MMP28: variants seen among roughly 807,000 people sequenced by gnomAD.
The protein encoded by MMP28 is matrix metallopeptidase 28, also known as matrix metalloproteinase-28.
MMP28 carries 55 observed loss-of-function variants against 60.5 expected under a neutral mutation model. The observed-to-expected ratio is 0.91, with a 90% CI of 0.73 to 1.14. The LOEUF is 1.14. Among genes scored for constraint, MMP28 ranks in the 50% most tolerant of loss-of-function variants. MMP28 has a pLI of 0.00. For missense variants in MMP28, 686 were observed against 738.3 expected (o/e 0.93, Z 0.82); for synonymous variants, 318 against 312.5 (o/e 1.02, Z -0.18).
At chr17:35,780,534 A>G (rs1261846010) in intron 1 of MMP28, among the ~76,000 whole-genome samples, 1 of 152,158 alleles carries the variant, frequency 6.6e-6, no homozygotes, top group Non-Finnish European at 1.5e-5. Context: ...TAGGTACAAT[A>G]AAAAATAAGA....
At chr17:35,770,452 A>G in intron 4 of MMP28, 140 bp from the exon 5 acceptor site, 17 of 1,152,866 alleles carry the variant, frequency 1.5e-5, no homozygotes, top group Non-Finnish European at 2.0e-5. Context: ...CAGAACCTGA[A>G]GTGTGCAGAG....
At chr17:35,763,771 C>T (rs2085872180), downstream of MMP28, among the ~76,000 whole-genome samples, 1 of 151,894 alleles carries the variant, frequency 6.6e-6, no homozygotes, top group African/African-American at 2.4e-5. Flanking sequence ...GCGGGGCGTG[C>T]CTGTAGTCCC....
chr17:35,770,147 A>AGC lies in MMP28; in HGVS notation c.768_769dup (p.Leu257ArgfsTer32), dbSNP rs764736716. 6.2e-7 allele frequency: 1 copy of AGC among 1,607,278 alleles called. No homozygotes were observed. Among genetic ancestry groups the AGC allele is most frequent in the East Asian group, 2.2e-5 (1 of 44,632 alleles). ...CAGCCTCTTGTAGTAGGGCGCCATGAGCGCGCGCGGCGCGGGCGAGTGGGT... is the reference window on the plus strand; with the variant it reads ...CAGCCTCTTGTAGTAGGGCGCCATGAGCGCGCGCGCGGCGCGGGCGAGTGGGT... On this transcript the variant is annotated frameshift_variant, in exon 5 of 8. Coordinates refer to ENST00000605424, the MANE Select transcript of MMP28 (RefSeq NM_024302.5). LOFTEE classifies it high-confidence loss of function.
At chr17:35,777,744 G>A (rs2086375315) in intron 3 of MMP28, among the ~76,000 whole-genome samples, 1 of 152,244 alleles carries the variant, frequency 6.6e-6, no homozygotes. Context: ...AAAACAATCA[G>A]GTTGTTAATA....
At chr17:35,770,346 G>A in intron 4 of MMP28, 34 bp from the exon 5 acceptor site, 1 of 1,461,846 alleles carries the variant, frequency 6.8e-7, no homozygotes, top group Non-Finnish European at 9.0e-7. Flanking sequence ...GGGGTGCCAC[G>A]GCCCACGACG....
At position 35,792,949 on chromosome 17, in the gene MMP28, T is replaced by A. The variant is rs184252580; in HGVS notation, c.111+2318A>T. ...TGAGGTTTATAGAGGTTAAATGAGT[T>A]ATCCATGGTTTACGTATGGGTTTGT... On this transcript the variant is annotated intron_variant, in intron 1 of 7. Transcript: ENST00000605424. Among the ~76,000 whole-genome samples, 489 of 152,302 alleles carry A rather than the reference T, an allele frequency of 3.2e-3. 1 individual carries two copies. Among genetic ancestry groups the A allele is most frequent in the Non-Finnish European group, 5.7e-3 (388 of 68,024 alleles).
chr17:35,772,734 T>A (rs956359673), intron 4 of MMP28, among the ~76,000 whole-genome samples: 1 of 152,170 alleles, frequency 6.6e-6, no homozygotes, highest in Non-Finnish European at 1.5e-5. Context: ...CACTTCCCTG[T>A]CAGGGCTGTC....
At chr17:35,764,744 G>A, downstream of MMP28, 1 of 1,066,288 alleles carries the variant, frequency 9.4e-7, no homozygotes, top group Non-Finnish European at 1.3e-6. Context: ...CTCAGCTGCT[G>A]CCCAGAGCGC....
At chr17:35,773,554 C>G (rs1555606753) in intron 3 of MMP28, 150 bp from the exon 4 acceptor site, 1 of 694,232 alleles carries the variant, frequency 1.4e-6, no homozygotes, top group Non-Finnish European at 2.4e-6. Flanking sequence ...GCAGCTCCCC[C>G]TTTGACTGGG....
At chr17:35,791,332 T>C (rs950893383) in intron 1 of MMP28, among the ~76,000 whole-genome samples, 2 of 151,058 alleles carry the variant, frequency 1.3e-5, no homozygotes, top group South Asian at 2.1e-4. Context: ...AGTCCAGGGG[T>C]TTGAGACCAG....
At position 35,771,751 on chromosome 17, in the gene MMP28, ATAT is replaced by A. The variant is rs2086161455; in HGVS notation, c.604+1426_604+1428del. The stretch of plus-strand genomic sequence containing the variant: ...TATATATATATATATATATATATAT[ATAT>A]AAAATTGTGTTCTTGCCCTCCTCTG... On this transcript the variant is annotated intron_variant, in intron 4 of 7. Transcript: ENST00000605424. Among the ~76,000 whole-genome samples the A allele has an allele frequency of 1.7e-4, 16 of 91,772 alleles. 1 individual carries two copies. Among genetic ancestry groups the A allele is most frequent in the Non-Finnish European group, 2.7e-4 (13 of 47,936 alleles). The allele number at this position is 91,772 out of a possible 152,430, so 60.2% of individuals were successfully genotyped here. A position where few individuals can be genotyped will look rare whatever the true frequency, so the allele number is the denominator to read the frequency against.
chr17:35,773,312 C>T lies in MMP28; in HGVS notation c.472G>A (p.Ala158Thr), dbSNP rs575740651. Residue 158 changes from alanine (A) to threonine (T), a missense_variant, in exon 4 of 8, where the codon GCC (alanine) becomes ACC (threonine). Transcript: ENST00000605424. The part of the protein sequence containing the change: ...EPAVRGAVRA[A>T]FQLWSNVSAL... ...GAGACGTTGCTCCACAACTGGAAGG[C>T]GGCGCGCACGGCGCCCCGAACTGCC... 9.9e-6 allele frequency: 16 copies of T among 1,613,330 alleles called. No homozygotes were observed. The highest frequency in any genetic ancestry group is 2.2e-5 in the East Asian group (1 of 44,862).
chr17:35,766,334 G>A lies in MMP28; in HGVS notation c.*166C>T, dbSNP rs1182384634. 3 of 1,416,340 alleles carry A rather than the reference G, an allele frequency of 2.1e-6. No homozygotes were observed. Among genetic ancestry groups the A allele is most frequent in the African/African-American group, 1.4e-5 (1 of 69,424 alleles). 87.7% of individuals were successfully genotyped at this position (1,416,340 alleles called of 1,614,324 possible). A position where few individuals can be genotyped will look rare whatever the true frequency, so the allele number is the denominator to read the frequency against. On this transcript the variant is annotated 3_prime_UTR_variant, in exon 8 of 8. Transcript: ENST00000605424. This position sits in a 1 kb window ranked among gnomAD's most constrained non-coding sequence, Gnocchi z 4.3. ...TGTGGTGGGGACAGACAAAGACAAT[G>A]CTGCATTCTTCAAGGAACAAAGGCA... is the stretch of plus-strand genomic sequence containing the variant.
chr17:35,762,427 A>C (rs2085838447), downstream of MMP28, among the ~76,000 whole-genome samples: 1 of 152,142 alleles, frequency 6.6e-6, no homozygotes, highest in Non-Finnish European at 1.5e-5. Flanking sequence ...ATGTTTGCTG[A>C]ATGGGCGGCG....
chr17:35,778,737 T>C, intron 3 of MMP28, 151 bp downstream of exon 3: 1 of 1,497,436 alleles, frequency 6.7e-7, no homozygotes, highest in Non-Finnish European at 8.9e-7. Context: ...ATCATGGTCC[T>C]CAAGCCAAGA....
chr17:35,786,699 C>CAAAAAAAAAA lies in MMP28; in HGVS notation c.112-7386_112-7377dup, dbSNP rs200165337. The stretch of plus-strand genomic sequence containing the variant: ...GCCTCATAGTGAGATCCTGTCTCTA[C>CAAAAAAAAAA]AAAAAAAAAAAAAAAAGATGAATGA... On this transcript the variant is annotated intron_variant, in intron 1 of 7. Transcript: ENST00000605424. Among the ~76,000 whole-genome samples the CAAAAAAAAAA allele has an allele frequency of 5.3e-3, 378 of 70,986 alleles. 35 individuals are homozygous for CAAAAAAAAAA. Among genetic ancestry groups the CAAAAAAAAAA allele is most frequent in the African/African-American group, 0.022 (345 of 15,714 alleles). 46.6% of individuals were successfully genotyped at this position (70,986 alleles called of 152,430 possible). A position where few individuals can be genotyped will look rare whatever the true frequency, so the allele number is the denominator to read the frequency against.
downstream of MMP28, among the ~76,000 whole-genome samples, chr17:35,762,434 G>A (rs1406822786): frequency 6.6e-5 from 10 of 152,276 alleles, no homozygotes; most frequent in Non-Finnish European, 1.2e-4. Context: ...CTGAATGGGC[G>A]GCGGACACCT....
Position 35,770,164 on chromosome 17 carries a change from C to G in MMP28, c.753G>C (p.Ser251=). 3 of 1,606,704 alleles carry G rather than the reference C, an allele frequency of 1.9e-6. No homozygotes were observed. Among genetic ancestry groups the G allele is most frequent in the Admixed American group, 3.4e-5 (2 of 59,616 alleles). Residue 251 remains serine, a synonymous_variant, in exon 5 of 8, where the codon TCG becomes TCC. Coordinates refer to ENST00000605424, the MANE Select transcript of MMP28 (RefSeq NM_024302.5). The part of the protein sequence containing the change: ...EIGHTLGLTH[S]PAPRALMAPY... ...GCGCCATGAGCGCGCGCGGCGCGGG[C>G]GAGTGGGTGAGGCCAAGCGTGTGAC... is the stretch of plus-strand genomic sequence containing the variant.
chr17:35,766,676 G>C lies in MMP28; in HGVS notation c.1387C>G (p.Pro463Ala). Reference protein sequence around the residue: ...PRSLQDWGGIPEEVSGALPRP... With the variant: ...PRSLQDWGGIAEEVSGALPRP... Reference sequence around the variant, plus strand: ...GGCAGGGCGCCGCTGACCTCCTCAGGGATGCCTCCCCAGTCCTGCAGACTT... The same window carrying C: ...GGCAGGGCGCCGCTGACCTCCTCAGCGATGCCTCCCCAGTCCTGCAGACTT... Residue 463 changes from proline (P) to alanine (A), a missense_variant, in exon 8 of 8, where the codon CCT (proline) becomes GCT (alanine). Transcript: ENST00000605424. The surrounding 1 kb of genome is among the most constrained non-coding windows in gnomAD (Gnocchi z 4.3). The C allele has an allele frequency of 1.2e-6, 2 of 1,609,758 alleles. No homozygotes were observed. The highest frequency in any genetic ancestry group is 8.5e-7 in the Non-Finnish European group (1 of 1,178,108).
Sources: gnomAD v4.1 joint callset for allele counts (sites outside exome capture counted in the v4.1 genomes callset) on GRCh38, gnomAD v4.1.1 for gene constraint, Gnocchi (gnomAD v3.1) non-coding constraint, MANE v1.5 for transcripts, NCBI Gene and HGNC (gene_info 2026-07-23, HGNC 2026-07-21) for gene names.